SORCS3: variants seen among roughly 807,000 people sequenced by gnomAD.
The protein encoded by SORCS3 is sortilin related VPS10 domain containing receptor 3.
Under a neutral mutation model 146.3 loss-of-function variants are expected in SORCS3, and 57 were observed. The ratio of observed to expected loss-of-function variants is 0.39; its 90% confidence interval spans 0.31 to 0.49. The LOEUF (loss-of-function observed/expected upper bound fraction) is 0.49. SORCS3 is among the 20% of genes least tolerant of loss of function. The pLI is 0.92. For synonymous variants in SORCS3, 653 were observed against 618.5 expected, an observed-to-expected ratio of 1.06 and a Z score of -0.83; for missense variants, 1,341 against 1,575.5, an observed-to-expected ratio of 0.85 and a Z score of 2.52.
intron 2 of SORCS3, among the ~76,000 whole-genome samples, chr10:104,907,081 C>T (rs537598914): frequency 1.3e-5 from 2 of 151,710 alleles, no homozygotes; most frequent in Admixed American, 1.3e-4. Context: ...CTTTTCAGGT[C>T]AATAACTCTG....
intron 2 of SORCS3, among the ~76,000 whole-genome samples, chr10:104,907,127 C>CTCTG (rs1554858751): frequency 6.8e-6 from 1 of 147,884 alleles, no homozygotes; most frequent in African/African-American, 2.5e-5. Context: ...CTGTATAGTA[C>CTCTG]TGTGTGTGTG....
In SORCS3 at chr10:104,815,054, G is replaced by C. The variant is rs960940391; in HGVS notation, c.628-27738G>C. Among the ~76,000 whole-genome samples the C allele has an allele frequency of 1.2e-4, 19 of 152,232 alleles. No individual in the cohort carries two copies. The South Asian group carries it at 3.7e-3, about 30-fold the overall frequency. ...CTCAAGAAGCTTGCAGTCTGAAGGAGGAGAAAAGACAAACAGCACTGATGG... is the reference window on the plus strand; with the variant it reads ...CTCAAGAAGCTTGCAGTCTGAAGGACGAGAAAAGACAAACAGCACTGATGG... On this transcript the variant is annotated intron_variant, in intron 1 of 26. Transcript: ENST00000369701.
At chr10:104,995,433 C>T (rs568644363) in intron 4 of SORCS3, among the ~76,000 whole-genome samples, 1 of 152,182 alleles carries the variant, frequency 6.6e-6, no homozygotes, top group Non-Finnish European at 1.5e-5. Context: ...ACTAGGATTA[C>T]AGGCTTGAGC....
intron 14 of SORCS3, among the ~76,000 whole-genome samples, chr10:105,182,656 A>G (rs1172926198): frequency 6.6e-6 from 1 of 152,070 alleles, no homozygotes; most frequent in Non-Finnish European, 1.5e-5. Context: ...TAATGATTAA[A>G]TGGTAAGGTA....
intron 1 of SORCS3, among the ~76,000 whole-genome samples, chr10:104,820,556 G>T (rs1314138192): frequency 6.6e-6 from 1 of 152,154 alleles, no homozygotes; most frequent in Non-Finnish European, 1.5e-5. Flanking sequence ...TGTGGATTAG[G>T]TGTTTGAAGC....
rs533615331 is a variant in SORCS3, at chr10:104,789,547, G to A, written c.628-53245G>A. Among the ~76,000 whole-genome samples, 15 of 152,308 alleles carry A rather than the reference G, an allele frequency of 9.8e-5. No homozygotes were observed. The South Asian group carries it at 2.9e-3, about 29-fold the overall frequency. Reference sequence around the variant, plus strand: ...TTGGAAAACCCAAGTCAGGCAGGGTGTTACTGGGTTCTAACATTACAACTG... The same window carrying A: ...TTGGAAAACCCAAGTCAGGCAGGGTATTACTGGGTTCTAACATTACAACTG... On this transcript the variant is annotated intron_variant, in intron 1 of 26. Transcript: ENST00000369701.
At chr10:105,216,845 C>A in intron 18 of SORCS3, 91 bp from the exon 19 acceptor site, 1 of 1,266,944 alleles carries the variant, frequency 7.9e-7, no homozygotes, top group Non-Finnish European at 1.1e-6. Context: ...TATGGGTCAT[C>A]AGAGGTTGAT....
At chr10:104,652,576 C>T (rs1488855950) in intron 1 of SORCS3, among the ~76,000 whole-genome samples, 2 of 152,138 alleles carry the variant, frequency 1.3e-5, no homozygotes, top group African/African-American at 2.4e-5. Context: ...CAGCTCTTGC[C>T]TTCTTCTGCC....
At chr10:105,111,917 T>G (rs1431984648) in intron 7 of SORCS3, among the ~76,000 whole-genome samples, 1 of 152,130 alleles carries the variant, frequency 6.6e-6, no homozygotes, top group Admixed American at 6.6e-5. Flanking sequence ...AGGAAATAAG[T>G]GAACACAATG....
rs571951994 is a variant in SORCS3 at position 105,002,254 on chromosome 10, T to G, written c.954+24761T>G. ...TGACAAAGGAGGGGAGACCAAGAGA[T>G]TCACCCTGCTTCATATGAAGCCGTT... On this transcript the variant is annotated intron_variant, in intron 4 of 26. Coordinates refer to ENST00000369701, the MANE Select transcript of SORCS3 (RefSeq NM_014978.3). 6.6e-5 allele frequency among the ~76,000 whole-genome samples: 10 copies of G among 152,206 alleles called. No homozygotes were observed. In the South Asian group the frequency reaches 1.9e-3, roughly 28 times the overall value.
At chr10:105,193,252 A>G (rs749219259) in intron 14 of SORCS3, among the ~76,000 whole-genome samples, 1 of 152,182 alleles carries the variant, frequency 6.6e-6, no homozygotes, top group Non-Finnish European at 1.5e-5. Context: ...TGCTGCAATT[A>G]CTTGCCTGAG....
At chr10:105,088,605 C>G (rs2055679738) in intron 5 of SORCS3, among the ~76,000 whole-genome samples, 1 of 151,904 alleles carries the variant, frequency 6.6e-6, no homozygotes, top group South Asian at 2.1e-4. Context: ...AACAGAGTAC[C>G]CTGGATGCCA....
intron 1 of SORCS3, among the ~76,000 whole-genome samples, chr10:104,803,148 TTCAC>T (rs1312240555): frequency 2.0e-5 from 3 of 152,210 alleles, no homozygotes; most frequent in African/African-American, 7.2e-5. Flanking sequence ...ATGTGTCACT[TTCAC>T]TCACATTTCA....
intron 1 of SORCS3, among the ~76,000 whole-genome samples, chr10:104,681,558 G>A (rs2015975352): frequency 6.6e-6 from 1 of 152,186 alleles, no homozygotes; most frequent in Non-Finnish European, 1.5e-5. Context: ...TTGCACTCTA[G>A]CCCTGTGTGG....
At chr10:105,019,252 A>C (rs2055185394) in intron 4 of SORCS3, among the ~76,000 whole-genome samples, 2 of 152,178 alleles carry the variant, frequency 1.3e-5, no homozygotes, top group South Asian at 4.1e-4. Context: ...AACTGAAGGG[A>C]GAATATGACC....
chr10:104,985,540 G>C (rs1196419789), intron 4 of SORCS3, among the ~76,000 whole-genome samples: 1 of 152,248 alleles, frequency 6.6e-6, no homozygotes, highest in Non-Finnish European at 1.5e-5. Context: ...GTTCTTAAAG[G>C]CATCTAGAAT....
intron 20 of SORCS3, among the ~76,000 whole-genome samples, chr10:105,228,297 GTGTC>G (rs2056745758): frequency 6.7e-6 from 1 of 150,092 alleles, no homozygotes; most frequent in East Asian, 2.0e-4. Context: ...ATATTTTCAT[GTGTC>G]TGCCTGCCTG....
intron 9 of SORCS3, among the ~76,000 whole-genome samples, chr10:105,156,111 A>C (rs1021037540): frequency 1.3e-4 from 20 of 152,224 alleles, no homozygotes; most frequent in Admixed American, 1.3e-4. Context: ...AGAATGGGGG[A>C]TAAATACAAT....
rs150763108 is a variant in SORCS3, at chr10:104,955,869, A to G, written c.796-21466A>G. ...AAATTGGGCTCTGAGAAGGATAAAA[A>G]GAGGAGAAAAAGTTCTTCTTGCCAC... On this transcript the variant is annotated intron_variant, in intron 3 of 26. Coordinates refer to ENST00000369701, the MANE Select transcript of SORCS3 (RefSeq NM_014978.3). 7.4e-4 allele frequency among the ~76,000 whole-genome samples: 112 copies of G among 152,268 alleles called. 2 individuals carry two copies. The East Asian group carries it at 0.02, about 28-fold the overall frequency.
Sources: allele counts gnomAD v4.1 joint callset (sites outside exome capture counted in the v4.1 genomes callset), GRCh38; gene constraint gnomAD v4.1.1; transcripts MANE v1.5; gene names NCBI Gene and HGNC (gene_info 2026-07-23, HGNC 2026-07-21).